The following VSTM4 variants were observed in gnomAD, a reference collection of about 807,000 sequenced individuals.
VSTM4 encodes the protein V-set and transmembrane domain-containing protein 4.
Under a neutral mutation model 36.4 loss-of-function variants are expected in VSTM4, and 20 were observed. The ratio of observed to expected loss-of-function variants is 0.55; its 90% CI spans 0.39 to 0.80. The LOEUF (loss-of-function observed/expected upper bound fraction) is 0.80. VSTM4 is among the 30% of genes least tolerant of loss of function. The pLI is 0.00. For synonymous variants in VSTM4, 182 were observed against 173.9 expected (o/e 1.05, Z -0.37); for missense variants, 392 against 404.5 (o/e 0.97, Z 0.26).
rs1054485956 is a variant in VSTM4, at chr10:49,070,027, C to A, written c.635-5291G>T. Among the ~76,000 whole-genome samples, 2 of 124,772 alleles carry A rather than the reference C, an allele frequency of 1.6e-5. 1 individual carries two copies. The highest frequency in any genetic ancestry group is 3.3e-5 in the Non-Finnish European group (2 of 60,936). 81.9% of individuals were successfully genotyped at this position (124,772 alleles called of 152,430 possible). ...CAGCACTTTGGGAGGCCGAGGCGGG[C>A]GGATCACGAGGTCAGGAGATCGAGA... On this transcript the variant is annotated intron_variant, in intron 4 of 7. Coordinates refer to ENST00000332853, the MANE Select transcript of VSTM4 (RefSeq NM_001031746.5).
chr10:49,020,703 A>C (rs2955063), intron 7 of VSTM4, among the ~76,000 whole-genome samples: 75,592 of 138,622 alleles, frequency 0.55, 20,301 homozygotes, highest in East Asian at 0.69. Context: ...GGAAAGAAGG[A>C]GGGAAGAAGG....
chr10:49,094,364 T>C (rs1305102822), intron 2 of VSTM4, among the ~76,000 whole-genome samples: 1 of 152,232 alleles, frequency 6.6e-6, no homozygotes, highest in African/African-American at 2.4e-5. Flanking sequence ...CCAAAGATGA[T>C]TCCTAACCAG....
intron 3 of VSTM4, among the ~76,000 whole-genome samples, chr10:49,082,441 A>G (rs1419270751): frequency 1.3e-5 from 2 of 152,234 alleles, no homozygotes; most frequent in African/African-American, 2.4e-5. Flanking sequence ...AGGCAGACCA[A>G]TCACCTGAGG....
intron 2 of VSTM4, among the ~76,000 whole-genome samples, chr10:49,096,129 G>C (rs1392869097): frequency 1.3e-5 from 2 of 152,154 alleles, no homozygotes; most frequent in African/African-American, 4.8e-5. Context: ...TAAATGTTTA[G>C]TAAATCTCAT....
chr10:49,036,927 T>C (rs1013807271), intron 7 of VSTM4, among the ~76,000 whole-genome samples: 2 of 152,344 alleles, frequency 1.3e-5, no homozygotes, highest in East Asian at 1.9e-4. Flanking sequence ...TTTGGGTTTC[T>C]GTGAGAAGAG....
intron 4 of VSTM4, among the ~76,000 whole-genome samples, chr10:49,065,417 C>T (rs2131979078): frequency 6.6e-6 from 1 of 152,260 alleles, no homozygotes; most frequent in Middle Eastern, 3.4e-3. Flanking sequence ...GTGTCCACAC[C>T]CATGTGTACC....
intron 7 of VSTM4, among the ~76,000 whole-genome samples, chr10:49,043,212 G>C (rs1651064224): frequency 6.6e-6 from 1 of 152,316 alleles, no homozygotes; most frequent in African/African-American, 2.4e-5. Context: ...GCATCAAATA[G>C]ACACTGGATT....
chr10:49,092,134 C>A (rs4240498), intron 2 of VSTM4, among the ~76,000 whole-genome samples: 33,028 of 152,110 alleles, frequency 0.22, 4,285 homozygotes, highest in South Asian at 0.35. Flanking sequence ...TGCTGCCTTC[C>A]TTAGTGCTCT....
intron 5 of VSTM4, among the ~76,000 whole-genome samples, chr10:49,060,246 T>C (rs904931166): frequency 1.3e-5 from 2 of 152,234 alleles, no homozygotes; most frequent in South Asian, 2.1e-4. Context: ...TGCTGGGTCA[T>C]AGGGTAACTT....
chr10:49,037,067 T>C (rs1013932634), intron 7 of VSTM4, among the ~76,000 whole-genome samples: 17 of 152,234 alleles, frequency 1.1e-4, no homozygotes, highest in Non-Finnish European at 1.9e-4. Flanking sequence ...GATGAGCTGT[T>C]CTGGAAAGGT....
intron 4 of VSTM4, among the ~76,000 whole-genome samples, chr10:49,066,915 A>G (rs1027457652): frequency 1.1e-4 from 16 of 152,204 alleles, no homozygotes; most frequent in African/African-American, 3.9e-4. Flanking sequence ...CCTTCAAAAC[A>G]AAAGATGTAT....
intron 5 of VSTM4, among the ~76,000 whole-genome samples, chr10:49,059,557 A>G (rs2131972696): frequency 6.6e-6 from 1 of 152,268 alleles, no homozygotes; most frequent in South Asian, 2.1e-4. Flanking sequence ...GCTAGACACA[A>G]AAGGCCAGAC....
intron 5 of VSTM4, among the ~76,000 whole-genome samples, chr10:49,054,694 AG>A (rs1194118974): frequency 6.6e-6 from 1 of 152,214 alleles, no homozygotes; most frequent in African/African-American, 2.4e-5. Flanking sequence ...ATTATAACTA[AG>A]AAGCATGCAC....
intron 7 of VSTM4, among the ~76,000 whole-genome samples, chr10:49,038,329 T>C (rs1450287371): frequency 6.6e-6 from 1 of 152,244 alleles, no homozygotes; most frequent in African/African-American, 2.4e-5. Flanking sequence ...AATAAGGACA[T>C]TATGCTAAGC....
At chr10:49,028,290 T>C (rs1289235200) in intron 7 of VSTM4, among the ~76,000 whole-genome samples, 3 of 152,224 alleles carry the variant, frequency 2.0e-5, no homozygotes, top group Non-Finnish European at 2.9e-5. Context: ...GTGATGAACC[T>C]TCCTGGACTC....
At chr10:49,103,268 GTT>G in intron 2 of VSTM4, 1 of 154,348 alleles carries the variant, frequency 6.5e-6, no homozygotes, top group Non-Finnish European at 1.4e-5. Context: ...TTAACATTAT[GTT>G]TTTGAGGCAT....
intron 5 of VSTM4, among the ~76,000 whole-genome samples, chr10:49,051,478 C>T (rs2131963832): frequency 6.6e-6 from 1 of 151,714 alleles, no homozygotes; most frequent in Admixed American, 6.6e-5. Context: ...TCACTGCAAC[C>T]TCCGCCTCCC....
At chr10:49,096,668 T>TGTGTGTGTGTGTGTGTGTGTGTGTGTGTG (rs1564593231) in intron 2 of VSTM4, among the ~76,000 whole-genome samples, 2 of 147,164 alleles carry the variant, frequency 1.4e-5, no homozygotes, top group African/African-American at 5.0e-5. Context: ...TGTGTGTGTG[T>TGTGTGTGTGTGTGTGTGTGTGTGTGTGTG]TTTGAGACGG....
At chr10:49,098,701 C>T (rs996898715) in intron 2 of VSTM4, among the ~76,000 whole-genome samples, 64 of 152,232 alleles carry the variant, frequency 4.2e-4, no homozygotes, top group Non-Finnish European at 9.1e-4. Flanking sequence ...ACATCTCCAA[C>T]ATTGCCCTCT....
Sources: allele counts gnomAD v4.1 joint callset (sites outside exome capture counted in the v4.1 genomes callset), GRCh38; gene constraint gnomAD v4.1.1; transcripts MANE v1.5; gene names NCBI Gene and HGNC (gene_info 2026-07-23, HGNC 2026-07-21).